ZSCAN5A: variants seen among roughly 807,000 people sequenced by gnomAD.
ZSCAN5A encodes the protein zinc finger and SCAN domain containing 5A, also known as zinc finger and SCAN domain-containing protein 5A.
In ZSCAN5A, 12 loss-of-function variants were observed where a neutral mutation model predicts 23.7. The ratio of observed to expected loss-of-function variants is 0.51; its 90% CI spans 0.32 to 0.82. ZSCAN5A has a LOEUF of 0.82. Among genes scored for constraint, ZSCAN5A ranks in the 40% least tolerant of loss-of-function variants. The probability of loss-of-function intolerance (pLI) is 0.03; values close to 1 mark genes in which losing one functional copy is unlikely to be tolerated. For missense variants in ZSCAN5A, 597 were observed against 617.9 expected, an observed-to-expected ratio of 0.97 and a Z score of 0.36; for synonymous variants, 257 against 239.9, an observed-to-expected ratio of 1.07 and a Z score of -0.66.
At chr19:56,271,917 G>C (rs986725428) in intron 2 of ZSCAN5A, among the ~76,000 whole-genome samples, 1 of 152,148 alleles carries the variant, frequency 6.6e-6, no homozygotes, top group Admixed American at 6.5e-5. Context: ...CAATTTCTAA[G>C]AATTACCAGT....
intron 2 of ZSCAN5A, among the ~76,000 whole-genome samples, chr19:56,242,207 G>C (rs2035482313): frequency 6.6e-6 from 1 of 152,126 alleles, no homozygotes; most frequent in South Asian, 2.1e-4. Context: ...CTCGTTCCAT[G>C]TGTCTTTTTG....
At chr19:56,365,283 G>T (rs543955104) in intron 1 of ZSCAN5A, among the ~76,000 whole-genome samples, 3 of 152,110 alleles carry the variant, frequency 2.0e-5, no homozygotes, top group Non-Finnish European at 2.9e-5. Flanking sequence ...CTCTTTAGCC[G>T]ACTGCCTATG....
Position 56,222,292 on chromosome 19 carries a change from G to A in ZSCAN5A, c.774C>T (p.Pro258=). 1.2e-6 allele frequency: 2 copies of A among 1,612,820 alleles called. No individual in the cohort carries two copies. The highest frequency in any genetic ancestry group is 4.5e-5 in the East Asian group (2 of 44,882). ...DLVRAKEGKD[P]PKIASVENVD... ...CATTTTCCACAGAGGCTATTTTTGG[G>A]GGGTCCTTCCCCTCCTTTGCTCTCA... Residue 258 remains proline (P), a synonymous_variant, in exon 6 of 6, where the codon CCC becomes CCT. Transcript: ENST00000683990.
chr19:56,355,696 T>C (rs796710044), intron 2 of ZSCAN5A, among the ~76,000 whole-genome samples: 2 of 149,088 alleles, frequency 1.3e-5, no homozygotes, highest in South Asian at 2.1e-4. Flanking sequence ...TGCAAGATGT[T>C]TGAAGCGCAG....
rs1009282744 is a variant in ZSCAN5A, at chr19:56,342,926, C to T, written c.-358+20309G>A. On this transcript the variant is annotated intron_variant, in intron 2 of 6. Coordinates refer to the ZSCAN5A transcript ENST00000587340. ...CTGAGGCACCTCAGAGCTCAGAGTTCCATATAGCAGTGCACTTTGGTTATT... is the reference window on the plus strand; with the variant it reads ...CTGAGGCACCTCAGAGCTCAGAGTTTCATATAGCAGTGCACTTTGGTTATT... The T allele has an allele frequency of 2.8e-5, 28 of 1,006,192 alleles. 1 individual carries two copies. The South Asian group carries it at 3.4e-4, about 12-fold the overall frequency. 62.3% of individuals were successfully genotyped at this position (1,006,192 alleles called of 1,614,324 possible). A position where few individuals can be genotyped will look rare whatever the true frequency, so the allele number is the denominator to read the frequency against.
intron 2 of ZSCAN5A, among the ~76,000 whole-genome samples, chr19:56,250,704 A>G (rs1436692134): frequency 1.3e-5 from 2 of 152,080 alleles, no homozygotes; most frequent in Non-Finnish European, 2.9e-5. Flanking sequence ...TAAGTGTTTT[A>G]TTTCTCCCAC....
At chr19:56,308,759 T>C (rs1410378210) in intron 2 of ZSCAN5A, among the ~76,000 whole-genome samples, 1 of 152,222 alleles carries the variant, frequency 6.6e-6, no homozygotes, top group Non-Finnish European at 1.5e-5. Flanking sequence ...ACCTAAGCAA[T>C]GCTTTGGTTC....
At chr19:56,318,297 C>G (rs1052864205), upstream of ZSCAN5A, among the ~76,000 whole-genome samples, 10 of 152,058 alleles carry the variant, frequency 6.6e-5, no homozygotes, top group Admixed American at 6.6e-4. Context: ...CAGTTCAAAA[C>G]AAGGCACATT....
chr19:56,341,255 G>C (rs2041590009), intron 2 of ZSCAN5A: 2 of 152,178 alleles, frequency 1.3e-5, no homozygotes, highest in Non-Finnish European at 2.9e-5. Flanking sequence ...AGAAATATGA[G>C]ACTATGTGAA....
At chr19:56,322,287 CT>C in intron 2 of ZSCAN5A, 2 of 1,109,276 alleles carry the variant, frequency 1.8e-6, no homozygotes, top group Non-Finnish European at 2.8e-6. Context: ...AGAATTGTCC[CT>C]TTCACTGCCT....
intron 2 of ZSCAN5A, among the ~76,000 whole-genome samples, chr19:56,333,443 G>A (rs188567005): frequency 6.6e-6 from 1 of 150,952 alleles, no homozygotes; most frequent in Non-Finnish European, 1.5e-5. Context: ...TATTGATAAA[G>A]CTTTTAATTG....
At chr19:56,225,300 G>T in intron 2 of ZSCAN5A, 127 bp from the exon 3 acceptor site, 10 of 861,912 alleles carry the variant, frequency 1.2e-5, no homozygotes, top group Non-Finnish European at 1.6e-5. Flanking sequence ...AAATCTTCCA[G>T]TGTCTATACC....
At chr19:56,353,578 C>A (rs1240369799) in intron 2 of ZSCAN5A, among the ~76,000 whole-genome samples, 8 of 151,974 alleles carry the variant, frequency 5.3e-5, no homozygotes, top group Middle Eastern at 3.4e-3. Flanking sequence ...GAGATCGAGA[C>A]CATCCTGGCT....
intron 2 of ZSCAN5A, among the ~76,000 whole-genome samples, chr19:56,272,155 T>C (rs2037895260): frequency 6.6e-6 from 1 of 152,206 alleles, no homozygotes. Context: ...GTAGACATCT[T>C]TGGAAAGGAA....
chr19:56,316,869 C>T (rs1218350856), upstream of ZSCAN5A: 1 of 152,252 alleles, frequency 6.6e-6, no homozygotes, highest in Non-Finnish European at 1.5e-5. Flanking sequence ...CAGAGTCATG[C>T]TCTGTTTTCC....
chr19:56,252,869 C>G (rs1474776425), intron 2 of ZSCAN5A, among the ~76,000 whole-genome samples: 2 of 152,150 alleles, frequency 1.3e-5, no homozygotes, highest in Non-Finnish European at 2.9e-5. Flanking sequence ...CAGGCAGGAG[C>G]TGGGGTCGTG....
intron 2 of ZSCAN5A, chr19:56,299,913 A>G (rs1409067510): frequency 6.6e-6 from 1 of 152,158 alleles, no homozygotes; most frequent in Non-Finnish European, 1.5e-5. Context: ...TGCTATCACC[A>G]CTTGCATTTC....
intron 2 of ZSCAN5A, chr19:56,285,088 T>G: frequency 4.7e-6 from 4 of 847,986 alleles, no homozygotes; most frequent in Non-Finnish European, 5.7e-6. Flanking sequence ...AATGTAGACT[T>G]ATTGAGTCAT....
intron 2 of ZSCAN5A, among the ~76,000 whole-genome samples, chr19:56,305,447 G>A (rs145437447): frequency 2.0e-5 from 3 of 152,272 alleles, no homozygotes; most frequent in East Asian, 1.9e-4. Flanking sequence ...AACACTCCAC[G>A]GCATGGACAT....
Sources: allele counts gnomAD v4.1 joint callset (sites outside exome capture counted in the v4.1 genomes callset), GRCh38; gene constraint gnomAD v4.1.1; transcripts MANE v1.5; gene names NCBI Gene and HGNC (gene_info 2026-07-23, HGNC 2026-07-21).